The following ADGRB3 variants were observed in gnomAD, a reference collection of about 807,000 sequenced individuals.
ADGRB3 encodes adhesion G protein-coupled receptor B3, also known as brain-specific angiogenesis inhibitor 3.
Under a neutral mutation model 193.4 loss-of-function variants are expected in ADGRB3, and 37 were observed. The observed-to-expected ratio is 0.19, with a 90% CI of 0.15 to 0.25. ADGRB3 has a LOEUF of 0.25. ADGRB3 is among the 10% of genes least tolerant of loss of function. The probability of loss-of-function intolerance (pLI) is 1.00; values close to 1 mark genes in which losing one functional copy is unlikely to be tolerated. For missense variants in ADGRB3, 1,637 were observed against 1,852.9 expected (o/e 0.88, Z 2.14); for synonymous variants, 690 against 644.2 (o/e 1.07, Z -1.08).
intron 7 of ADGRB3, 76 bp from the exon 8 acceptor site, chr6:68,956,569 A>G (rs1768082546): frequency 1.9e-6 from 3 of 1,559,876 alleles, no homozygotes; most frequent in African/African-American, 1.4e-5. Context: ...AAGGGGTAGT[A>G]ACATTCTCAG....
At chr6:69,116,901 T>C (rs550536244) in intron 17 of ADGRB3, among the ~76,000 whole-genome samples, 3 of 152,338 alleles carry the variant, frequency 2.0e-5, no homozygotes, top group African/African-American at 7.2e-5. Context: ...GACTCAGCAC[T>C]GCAAGCCTGG....
intron 20 of ADGRB3, among the ~76,000 whole-genome samples, chr6:69,295,728 G>A (rs1329184309): frequency 6.6e-6 from 1 of 152,144 alleles, no homozygotes; most frequent in Non-Finnish European, 1.5e-5. Flanking sequence ...TGTTAAAGAT[G>A]TGCAGTAGTC....
chr6:69,207,269 A>T (rs192748110), intron 17 of ADGRB3, among the ~76,000 whole-genome samples: 352 of 152,264 alleles, frequency 2.3e-3, no homozygotes, highest in African/African-American at 8.0e-3. Flanking sequence ...TCACTAGGGG[A>T]GATGGTGAGT....
intron 17 of ADGRB3, among the ~76,000 whole-genome samples, chr6:69,079,127 A>G (rs1772316719): frequency 6.6e-6 from 1 of 152,072 alleles, no homozygotes; most frequent in Admixed American, 6.6e-5. Context: ...AGGGTAATCT[A>G]TTACCCAGAT....
rs1490812962 is a variant in ADGRB3, at chr6:68,914,493, T to C, written c.758-16066T>C. Among the ~76,000 whole-genome samples, 5 of 152,252 alleles carry C rather than the reference T, an allele frequency of 3.3e-5. No homozygotes were observed. The East Asian group carries it at 9.7e-4, about 29-fold the overall frequency. ...AAATACTTTACAGACAAGCAAATGCTGAGAGATTTTGTCACCACCAGGCCT... is the reference window on the plus strand; with the variant it reads ...AAATACTTTACAGACAAGCAAATGCCGAGAGATTTTGTCACCACCAGGCCT... On this transcript the variant is annotated intron_variant, in intron 3 of 31. Coordinates refer to ENST00000370598, the MANE Select transcript of ADGRB3 (RefSeq NM_001704.3).
At chr6:69,002,221 TC>T (rs2150279438) in intron 11 of ADGRB3, among the ~76,000 whole-genome samples, 1 of 123,504 alleles carries the variant, frequency 8.1e-6, no homozygotes, top group African/African-American at 3.0e-5. Context: ...GCATCTTTTA[TC>T]TTTTTTTTTT....
chr6:68,823,952 T>C (rs1032939935), intron 3 of ADGRB3, among the ~76,000 whole-genome samples: 1 of 152,166 alleles, frequency 6.6e-6, no homozygotes, highest in Non-Finnish European at 1.5e-5. Context: ...TCAGTTTTTA[T>C]TTATTCTTCA....
chr6:68,733,265 GTATATATTCCATATATA>G (rs1033539923), intron 3 of ADGRB3, among the ~76,000 whole-genome samples: 2 of 148,150 alleles, frequency 1.3e-5, no homozygotes, highest in African/African-American at 4.9e-5. Flanking sequence ...ATAGGAATAT[GTATATATTCCATATATA>G]TTCCTATATA....
intron 17 of ADGRB3, among the ~76,000 whole-genome samples, chr6:69,084,390 G>C (rs1216472036): frequency 6.6e-6 from 1 of 152,094 alleles, no homozygotes; most frequent in Non-Finnish European, 1.5e-5. Context: ...CAAATGTGTA[G>C]AATCTACTCT....
At chr6:68,930,137 A>G (rs1338619735) in intron 3 of ADGRB3, among the ~76,000 whole-genome samples, 3 of 151,918 alleles carry the variant, frequency 2.0e-5, no homozygotes, top group Non-Finnish European at 4.4e-5. Flanking sequence ...GGACTGAGTA[A>G]TCTAGTAACA....
At chr6:68,961,827 A>G (rs1339923752) in intron 8 of ADGRB3, among the ~76,000 whole-genome samples, 1 of 152,170 alleles carries the variant, frequency 6.6e-6, no homozygotes. Flanking sequence ...CTCCTATTTC[A>G]TTGGAATTTA....
intron 3 of ADGRB3, among the ~76,000 whole-genome samples, chr6:68,813,996 G>A (rs1470697484): frequency 1.3e-5 from 2 of 152,102 alleles, no homozygotes; most frequent in Non-Finnish European, 2.9e-5. Flanking sequence ...TTGCTATTGT[G>A]AATAGTGCCA....
At chr6:68,744,117 T>C (rs1014054313) in intron 3 of ADGRB3, among the ~76,000 whole-genome samples, 2 of 152,024 alleles carry the variant, frequency 1.3e-5, no homozygotes, top group Non-Finnish European at 2.9e-5. Context: ...TGGGGAAGAA[T>C]AGAGCTAAGA....
rs961766238 is a variant in ADGRB3 at position 68,865,336 on chromosome 6, G to A, written c.758-65223G>A. On this transcript the variant is annotated intron_variant, in intron 3 of 31. Coordinates refer to ENST00000370598, the MANE Select transcript of ADGRB3 (RefSeq NM_001704.3). ...AATTACATTTTCTCTTTTTTCCCAA[G>A]CACAAACTTATCCAAGGCTGAGGGA... 2.6e-5 allele frequency among the ~76,000 whole-genome samples: 4 copies of A among 151,896 alleles called. No individual in the cohort carries two copies. The East Asian group carries it at 7.7e-4, about 29-fold the overall frequency.
At position 68,663,093 on chromosome 6, in the gene ADGRB3, T is replaced by G. The variant is rs1445052059; in HGVS notation, c.757+23661T>G. Among the ~76,000 whole-genome samples, 2 of 151,394 alleles carry G rather than the reference T, an allele frequency of 1.3e-5. 1 individual carries two copies. ...TAAATCGAAATACATAAGATAAACA[T>G]TTAAACAACTTTTATTTTATTTTGA... On this transcript the variant is annotated intron_variant, in intron 3 of 31. Coordinates refer to ENST00000370598, the MANE Select transcript of ADGRB3 (RefSeq NM_001704.3).
chr6:68,951,674 G>A (rs151315681), intron 6 of ADGRB3, among the ~76,000 whole-genome samples: 2 of 152,316 alleles, frequency 1.3e-5, no homozygotes, highest in South Asian at 2.1e-4. Context: ...CTGACAGAAT[G>A]CTGAGATGTG....
At chr6:68,641,527 A>G (rs1768082228) in intron 3 of ADGRB3, among the ~76,000 whole-genome samples, 1 of 152,220 alleles carries the variant, frequency 6.6e-6, no homozygotes. Flanking sequence ...TGATGTTAAT[A>G]GAGTTGAACT....
intron 3 of ADGRB3, among the ~76,000 whole-genome samples, chr6:68,867,101 G>GA (rs1465990580): frequency 6.6e-6 from 1 of 152,160 alleles, no homozygotes; most frequent in African/African-American, 2.4e-5. Flanking sequence ...AAGACAATGG[G>GA]AAAAATGTCT....
chr6:68,735,129 A>T (rs1765847248), intron 3 of ADGRB3, among the ~76,000 whole-genome samples: 1 of 151,908 alleles, frequency 6.6e-6, no homozygotes. Context: ...TTATTTTTTT[A>T]CTTGTAATGA....
Sources: gnomAD v4.1 joint callset for allele counts (sites outside exome capture counted in the v4.1 genomes callset) on GRCh38, gnomAD v4.1.1 for gene constraint, MANE v1.5 for transcripts, NCBI Gene and HGNC (gene_info 2026-07-23, HGNC 2026-07-21) for gene names.